Variants in GRIA3 observed in about 807,000 individuals in gnomAD.
The protein encoded by GRIA3 is glutamate ionotropic receptor AMPA type subunit 3, also known as glutamate receptor 3.
In GRIA3, 3 loss-of-function variants were observed where a neutral mutation model predicts 63.0. That is an observed-to-expected ratio of 0.05 (90% CI 0.02 to 0.12). The LOEUF is 0.12. Among genes scored for constraint, GRIA3 ranks in the 10% least tolerant of loss-of-function variants. GRIA3 has a pLI of 1.00. For missense variants in GRIA3, 347 were observed against 700.9 expected, an observed-to-expected ratio of 0.50 and a Z score of 5.70; for synonymous variants, 274 against 257.9, an observed-to-expected ratio of 1.06 and a Z score of -0.60.
At chrX:123,427,694 T>C (rs945789821) in intron 11 of GRIA3, among the ~76,000 whole-genome samples, 1 of 110,732 alleles carries the variant, frequency 9.0e-6, no homozygotes, top group Non-Finnish European at 1.9e-5. Flanking sequence ...AAAAAGAAAA[T>C]CCTGCTTTGA....
intron 2 of GRIA3, among the ~76,000 whole-genome samples, chrX:123,218,101 G>T (rs890769663): frequency 3.6e-5 from 4 of 112,522 alleles, no homozygotes; most frequent in African/African-American, 9.7e-5. Flanking sequence ...ACCTTACATT[G>T]TTCCAAAGAT....
chrX:123,453,530 G>T (rs1373166232), intron 12 of GRIA3, among the ~76,000 whole-genome samples: 7 of 110,050 alleles, frequency 6.4e-5, no homozygotes, highest in African/African-American at 2.3e-4. Context: ...CCCTAGAACT[G>T]AAAGTATAAT....
rs189302467 is a variant in GRIA3 at position 123,271,199 on chromosome X, A to G, written c.508+17657A>G. Reference sequence around the variant, plus strand: ...ATTTCCATAAACTATTTGTTTCATGATGTCATCTAATATGAATCTGAAAGT... The same window carrying G: ...ATTTCCATAAACTATTTGTTTCATGGTGTCATCTAATATGAATCTGAAAGT... On this transcript the variant is annotated intron_variant, in intron 3 of 15. Transcript: ENST00000620443. Among the ~76,000 whole-genome samples the G allele has an allele frequency of 9.2e-3, 1,035 of 112,017 alleles. 4 individuals are homozygous for G. The highest frequency in any genetic ancestry group is 0.015 in the Non-Finnish European group (813 of 53,201).
intron 10 of GRIA3, among the ~76,000 whole-genome samples, chrX:123,416,738 G>A (rs780397654): frequency 3.4e-4 from 38 of 112,903 alleles, no homozygotes; most frequent in Non-Finnish European, 6.9e-4. Flanking sequence ...TTTCATGTTT[G>A]CATATGTCAT....
intron 5 of GRIA3, among the ~76,000 whole-genome samples, chrX:123,378,751 C>A (rs778578991): frequency 9.0e-6 from 1 of 111,103 alleles, no homozygotes; most frequent in South Asian, 3.8e-4. Flanking sequence ...AAAGAGAAAT[C>A]TAGCAAGAGT....
At chrX:123,325,942 TG>T in intron 3 of GRIA3, 83 bp from the exon 4 acceptor site, 2 of 820,296 alleles carry the variant, frequency 2.4e-6, no homozygotes, top group Non-Finnish European at 3.6e-6. Context: ...AGGCACCTGA[TG>T]GACTGTGACT....
rs373649138 is a variant in GRIA3 at position 123,376,976 on chromosome X, C to T, written c.751-17992C>T. Among the ~76,000 whole-genome samples, 4 of 101,765 alleles carry T rather than the reference C, an allele frequency of 3.9e-5. No individual in the cohort carries two copies. The East Asian group carries it at 9.0e-4, about 23-fold the overall frequency. The allele number at this position is 101,765 out of a possible 115,157, so 88.4% of individuals were successfully genotyped here. A position where few individuals can be genotyped will look rare whatever the true frequency, so the allele number is the denominator to read the frequency against. ...TTGAGGCAGAGTCTTGCTCTGTCGC[C>T]CAGGCTGGAGTGCAATGGCGCTATC... is the stretch of plus-strand genomic sequence containing the variant. On this transcript the variant is annotated intron_variant, in intron 5 of 15. Coordinates refer to ENST00000620443, the MANE Select transcript of GRIA3 (RefSeq NM_007325.5).
At position 123,489,346 on chromosome X, in the gene GRIA3, T is replaced by C. The variant is rs1275300174; in HGVS notation, c.*636T>C. ...TATCTTTAGAATGTAAATGCAACAC[T>C]TAAGAAAATTCAAACACTTTGGAAA... On this transcript the variant is annotated 3_prime_UTR_variant, in exon 16 of 16. Coordinates refer to ENST00000620443, the MANE Select transcript of GRIA3 (RefSeq NM_007325.5). 6 of 112,631 alleles carry C rather than the reference T, an allele frequency of 5.3e-5. No individual in the cohort carries two copies. The highest frequency in any genetic ancestry group is 1.9e-4 in the African/African-American group (6 of 30,861). 9.3% of individuals were successfully genotyped at this position (112,631 alleles called of 1,213,427 possible). A position where few individuals can be genotyped will look rare whatever the true frequency, so the allele number is the denominator to read the frequency against.
At chrX:123,275,118 G>A (rs192322235) in intron 3 of GRIA3, among the ~76,000 whole-genome samples, 30 of 111,015 alleles carry the variant, frequency 2.7e-4, no homozygotes, top group Admixed American at 5.8e-4. Context: ...CAATAACAAG[G>A]ATAATAACAA....
rs181442828 is a variant in GRIA3, at chrX:123,371,140, C to T, written c.750+16177C>T. Among the ~76,000 whole-genome samples the T allele has an allele frequency of 2.8e-4, 30 of 105,960 alleles. No homozygotes were observed. The East Asian group carries it at 3.6e-3, about 13-fold the overall frequency. 92.0% of individuals were successfully genotyped at this position (105,960 alleles called of 115,157 possible). A position where few individuals can be genotyped will look rare whatever the true frequency, so the allele number is the denominator to read the frequency against. On this transcript the variant is annotated intron_variant, in intron 5 of 15. Coordinates refer to ENST00000620443, the MANE Select transcript of GRIA3 (RefSeq NM_007325.5). ...ATAAGTTAAAGCATGTGATATTTGT[C>T]TTTCTGTGCCTGGCTTATTTCTCTT...
intron 2 of GRIA3, among the ~76,000 whole-genome samples, chrX:123,238,896 G>A (rs1420615906): frequency 9.1e-6 from 1 of 110,411 alleles, no homozygotes; most frequent in Non-Finnish European, 1.9e-5. Flanking sequence ...TGGTCATGCT[G>A]TCACTGGACC....
chrX:123,247,725 A>T (rs776764800), intron 2 of GRIA3, among the ~76,000 whole-genome samples: 23 of 110,745 alleles, frequency 2.1e-4, no homozygotes, highest in East Asian at 2.9e-4. Flanking sequence ...ACCCATTACC[A>T]CCCAGAAGTG....
chrX:123,372,973 A>G (rs1266055065), intron 5 of GRIA3, among the ~76,000 whole-genome samples: 8 of 108,954 alleles, frequency 7.3e-5, no homozygotes, highest in African/African-American at 2.3e-4. Flanking sequence ...CCATTAACTC[A>G]TCATTTACAT....
At chrX:123,347,456 C>A in intron 4 of GRIA3, among the ~76,000 whole-genome samples, 1 of 112,225 alleles carries the variant, frequency 8.9e-6, no homozygotes, top group East Asian at 2.8e-4. Context: ...AAAATATAAA[C>A]ATGTTCACTC....
chrX:123,201,906 C>A (rs1927752345), intron 2 of GRIA3, among the ~76,000 whole-genome samples: 1 of 111,844 alleles, frequency 8.9e-6, no homozygotes, highest in African/African-American at 3.3e-5. Flanking sequence ...TGACCTCAGA[C>A]TTGGCCAGAT....
At position 123,209,813 on chromosome X, in the gene GRIA3, A is replaced by C. The variant is rs947043291; in HGVS notation, c.268+23823A>C. ...AATGGGATGGTAAGGTTTCAGTACA[A>C]ATTTCAGGTTGTGTGGGGGAGGTAC... is the stretch of plus-strand genomic sequence containing the variant. On this transcript the variant is annotated intron_variant, in intron 2 of 15. Coordinates refer to ENST00000620443, the MANE Select transcript of GRIA3 (RefSeq NM_007325.5). Among the ~76,000 whole-genome samples, 3 of 111,115 alleles carry C rather than the reference A, an allele frequency of 2.7e-5. No homozygotes were observed. In the East Asian group the frequency reaches 8.5e-4, roughly 31 times the overall value.
chrX:123,210,339 C>A (rs979751535), intron 2 of GRIA3, among the ~76,000 whole-genome samples: 14 of 110,508 alleles, frequency 1.3e-4, no homozygotes, highest in African/African-American at 4.6e-4. Context: ...CACCAGTGAT[C>A]TTCTTGCCAA....
chrX:123,336,015 G>A (rs955788053), intron 4 of GRIA3, among the ~76,000 whole-genome samples: 9 of 111,961 alleles, frequency 8.0e-5, no homozygotes, highest in Non-Finnish European at 1.5e-4. Context: ...TCATCACACA[G>A]CTGCATGATT....
intron 3 of GRIA3, among the ~76,000 whole-genome samples, chrX:123,309,662 T>G (rs1420238486): frequency 9.0e-6 from 1 of 110,808 alleles, no homozygotes; most frequent in Non-Finnish European, 1.9e-5. Flanking sequence ...CCTAAGGGGG[T>G]TGTCAAACAG....
Sources: allele counts gnomAD v4.1 joint callset (sites outside exome capture counted in the v4.1 genomes callset), GRCh38; gene constraint gnomAD v4.1.1; transcripts MANE v1.5; gene names NCBI Gene and HGNC (gene_info 2026-07-23, HGNC 2026-07-21).